FLII: variants seen among roughly 807,000 people sequenced by gnomAD.
The protein encoded by FLII is protein flightless-1 homolog.
FLII carries 101 observed loss-of-function variants against 156.2 expected under a neutral mutation model. That is an observed-to-expected ratio of 0.65 (90% CI 0.55 to 0.76). The LOEUF is 0.76. FLII is among the 30% of genes least tolerant of loss of function. The pLI, the probability that FLII is intolerant of heterozygous loss-of-function variation, is 0.00. For missense variants in FLII, 1,675 were observed against 1,682.8 expected (o/e 1.00, Z 0.08); for synonymous variants, 767 against 685.8 (o/e 1.12, Z -1.85).
chr17:18,255,361 C>A, intron 3 of FLII, 98 bp from the exon 4 acceptor site: 1 of 935,542 alleles, frequency 1.1e-6, no homozygotes, highest in Non-Finnish European at 1.7e-6. Context: ...TCACCAGAGG[C>A]CAGGCCTGAG....
In FLII at chr17:18,258,317, C is replaced by G. The variant is rs2048490244; in HGVS notation, c.63+311G>C. 1 of 585,354 alleles carries G rather than the reference C, an allele frequency of 1.7e-6. No individual in the cohort carries two copies. The highest frequency in any genetic ancestry group is 2.8e-6 in the Non-Finnish European group (1 of 353,372). 36.3% of individuals were successfully genotyped at this position (585,354 alleles called of 1,614,324 possible). ...CCTCAGAGGGGCGGGGAGGCTCGCC[C>G]GATCCCCAGGCCACCATCCAGCCTA... On this transcript the variant is annotated intron_variant, in intron 1 of 29. Transcript: ENST00000327031. The surrounding 1 kb of genome is among the most constrained non-coding windows in gnomAD (Gnocchi z 4.2).
chr17:18,247,747 G>A lies in FLII; in HGVS notation c.2397C>T (p.Ala799=), dbSNP rs374809408. The A allele has an allele frequency of 8.7e-6, 14 of 1,606,240 alleles. No homozygotes were observed. The highest frequency in any genetic ancestry group is 1.6e-4 in the Middle Eastern group (1 of 6,080). Reference sequence around the variant, plus strand: ...ACAGCTCCTGACCCAGCTTGAGGGCGGCAGCGCGCACCAGGCGCGGGGACT... The same window carrying A: ...ACAGCTCCTGACCCAGCTTGAGGGCAGCAGCGCGCACCAGGCGCGGGGACT... ...GRKSPRLVRA[A]ALKLGQELCG... The change falls in exon 20 of 30, where the codon GCC becomes GCT. Residue 799 remains alanine, a synonymous_variant. Transcript: ENST00000327031.
chr17:18,245,956 A>C lies in FLII; in HGVS notation c.3374T>G (p.Phe1125Cys), dbSNP rs773892887. ...GACCTGCTTGCTGTAGGAGGTGTCA[A>C]ACATGGTGTTCAGGATGTCTTCTGC... ...KLAEDILNTM[F>C]DTSYSKQVIN... The change falls in exon 26 of 30, where the codon TTT becomes TGT. Residue 1125 changes from phenylalanine to cysteine, a missense_variant. Phe to Cys is a radical substitution (Grantham distance 205). Coordinates refer to ENST00000327031, the MANE Select transcript of FLII (RefSeq NM_002018.4). The C allele has an allele frequency of 3.7e-6, 6 of 1,613,944 alleles. 1 individual carries two copies. Among genetic ancestry groups the C allele is most frequent in the East Asian group, 2.2e-5 (1 of 44,860 alleles).
Position 18,254,086 on chromosome 17 carries a change from G to A in FLII, c.672C>T (p.Asn224=), listed in dbSNP as rs779678541. The A allele has an allele frequency of 1.2e-6, 2 of 1,608,150 alleles. No homozygotes were observed. The highest frequency in any genetic ancestry group is 1.1e-5 in the South Asian group (1 of 90,694). ...CTCCTGGGGCTGCCTGACCTGCGAG[G>A]TTGCTCAGACCCTCCAGGCTGGTGG... ...NLPTSLEGLS[N]LADVDLSCND... Residue 224 remains asparagine (N), a synonymous_variant, in exon 7 of 30, where the codon AAC becomes AAT. Coordinates refer to ENST00000327031, the MANE Select transcript of FLII (RefSeq NM_002018.4).
intron 14 of FLII, 93 bp from the exon 15 acceptor site, chr17:18,249,501 G>A: frequency 1.1e-6 from 1 of 872,786 alleles, no homozygotes; most frequent in Non-Finnish European, 1.9e-6. Flanking sequence ...TTGCATACAG[G>A]TGAATTGAGT....
chr17:18,246,374 G>T lies in FLII; in HGVS notation c.3140C>A (p.Ala1047Glu). The T allele has an allele frequency of 6.2e-7, 1 of 1,613,884 alleles. No individual in the cohort carries two copies. The highest frequency in any genetic ancestry group is 8.5e-7 in the Non-Finnish European group (1 of 1,179,994). Residue 1047 changes from alanine to glutamate, a missense_variant, in exon 24 of 30, where the codon GCG (alanine) becomes GAG (glutamate). This residue lies in a region of FLII where 1,332 missense variants were observed against 1,269.3 expected (regional missense o/e 1.05). Transcript: ENST00000327031. Reference sequence around the variant, plus strand: ...GCTGGGCTGTTGGGCGCCCTGGACCGCCTTCCTCTTGCCCCGGTGGATGAT... The same window carrying T: ...GCTGGGCTGTTGGGCGCCCTGGACCTCCTTCCTCTTGCCCCGGTGGATGAT... Reference protein sequence around the residue: ...KFIIHRGKRKAVQGAQQPSLY... With the variant: ...KFIIHRGKRKEVQGAQQPSLY...
At chr17:18,253,233 G>T in intron 9 of FLII, 68 bp downstream of exon 9, 1 of 1,535,682 alleles carries the variant, frequency 6.5e-7, no homozygotes. Flanking sequence ...CACAAGGTGG[G>T]CTCTGACTAC....
chr17:18,245,033 A>C lies in FLII; in HGVS notation c.*105T>G, dbSNP rs2047976954. On this transcript the variant is annotated 3_prime_UTR_variant, in exon 30 of 30. Transcript: ENST00000327031. ...AGGCTACTGGGGACTGTGGCACTGG[A>C]CGTGGCTGGAGCAGGTGGTGTCACC... 1 of 1,277,330 alleles carries C rather than the reference A, an allele frequency of 7.8e-7. No individual in the cohort carries two copies. The highest frequency in any genetic ancestry group is 1.5e-5 in the African/African-American group (1 of 67,534). The allele number at this position is 1,277,330 out of a possible 1,614,324, so 79.1% of individuals were successfully genotyped here. A position where few individuals can be genotyped will look rare whatever the true frequency, so the allele number is the denominator to read the frequency against.
In FLII at chr17:18,247,997, T is replaced by C; in HGVS notation, c.2227A>G (p.Ile743Val). Residue 743 changes from isoleucine to valine, a missense_variant, in exon 19 of 30, where the codon ATC (isoleucine) becomes GTC (valine). Transcript: ENST00000327031. ...TGTTCCACGGAGAGCTTGTAGTTGA[T>C]CTGTGGCAGCTCCAGGTAGCCCAAG... ...LGLGYLELPQ[I>V]NYKLSVEHKQ... 2.5e-6 allele frequency: 4 copies of C among 1,613,974 alleles called. No individual in the cohort carries two copies. Among genetic ancestry groups the C allele is most frequent in the Non-Finnish European group, 3.4e-6 (4 of 1,179,932 alleles).
chr17:18,245,722 A>C (rs2048018119), intron 27 of FLII, 22 bp downstream of exon 27: 1 of 1,609,078 alleles, frequency 6.2e-7, no homozygotes, highest in Non-Finnish European at 8.5e-7. Context: ...GACTGAGGGG[A>C]GGGTCAGGGC....
rs1328532172 is a variant in FLII, at chr17:18,253,721, T to G, written c.680-2A>C. ...GGTCATTGCAGGACAGATCCACGTCTGGGGTGCAGGGTGGGGTGCATCAGC... is the reference window on the plus strand; with the variant it reads ...GGTCATTGCAGGACAGATCCACGTCGGGGGTGCAGGGTGGGGTGCATCAGC... On this transcript the variant is annotated splice_acceptor_variant, in intron 7 of 29. Coordinates refer to ENST00000327031, the MANE Select transcript of FLII (RefSeq NM_002018.4). LOFTEE classifies it high-confidence loss of function. The G allele has an allele frequency of 6.2e-7, 1 of 1,603,146 alleles. No homozygotes were observed. Among genetic ancestry groups the G allele is most frequent in the Non-Finnish European group, 8.5e-7 (1 of 1,174,010 alleles).
intron 1 of FLII, chr17:18,257,327 C>A: frequency 5.6e-6 from 2 of 355,622 alleles, no homozygotes; most frequent in Non-Finnish European, 1.0e-5. Context: ...TAGCTCGGCT[C>A]AAATTCCTTC....
intron 20 of FLII, 41 bp downstream of exon 20, chr17:18,247,616 C>A: frequency 6.6e-7 from 1 of 1,507,226 alleles, no homozygotes; most frequent in South Asian, 1.3e-5. Context: ...TGTCAGGGTG[C>A]GAAGGATCCT....
At chr17:18,246,268 T>G (rs1243277060) in intron 24 of FLII, 40 bp downstream of exon 24, 1 of 1,614,126 alleles carries the variant, frequency 6.2e-7, no homozygotes, top group South Asian at 1.1e-5. Flanking sequence ...CCTGGCTCCC[T>G]GACGCTTGCT....
rs2048262766 is a variant in FLII at position 18,251,376 on chromosome 17, CA to C, written c.1484del (p.Val495GlyfsTer7). ...LDYSEFFTEDVGQLPGLTIWQ... is the reference protein window; with the variant it reads ...LDYSEFFTEDXGQLPGLTIWQ... ...AGATGGTCAGTCCGGGCAGCTGGCC[CA>C]CGTCCTCCGTGAAGAACTCGGAGTA... On this transcript the variant is annotated frameshift_variant, in exon 13 of 30. Transcript: ENST00000327031. LOFTEE classifies it high-confidence loss of function. The C allele has an allele frequency of 6.2e-7, 1 of 1,613,596 alleles. No homozygotes were observed. The highest frequency in any genetic ancestry group is 8.5e-7 in the Non-Finnish European group (1 of 1,180,032).
chr17:18,251,986 T>C lies in FLII; in HGVS notation c.1246+13A>G, dbSNP rs754116802. ...GGAGCCCCCGTTCCCAGGCCAGACC[T>C]TTCCCCACTCACCAGCTGCAGCTGC... On this transcript the variant is annotated intron_variant, in intron 11 of 29. Coordinates refer to ENST00000327031, the MANE Select transcript of FLII (RefSeq NM_002018.4). The C allele has an allele frequency of 4.3e-6, 7 of 1,612,092 alleles. No homozygotes were observed. The Admixed American group carries it at 1.2e-4, about 27-fold the overall frequency.
intron 1 of FLII, among the ~76,000 whole-genome samples, chr17:18,257,513 C>T (rs2048458680): frequency 6.6e-6 from 1 of 152,264 alleles, no homozygotes; most frequent in Admixed American, 6.5e-5. Context: ...AGGCCAGCAT[C>T]ACTGCACTCC....
Position 18,251,589 on chromosome 17 carries a change from C to T in FLII, c.1383+91G>A, listed in dbSNP as rs78373492. 1,396 of 1,587,244 alleles carry T rather than the reference C, an allele frequency of 8.8e-4. 6 individuals are homozygous for T. In the African/African-American group the frequency reaches 0.012, roughly 14 times the overall value. On this transcript the variant is annotated intron_variant, in intron 12 of 29. Transcript: ENST00000327031. ...CACAGCTGTTCTTTCTGCCCAGCACCCCCCGTCCCTCTTGGCCAGGGTCAA... is the reference window on the plus strand; with the variant it reads ...CACAGCTGTTCTTTCTGCCCAGCACTCCCCGTCCCTCTTGGCCAGGGTCAA...
rs745824905 is a variant in FLII at position 18,249,240 on chromosome 17, G to A, written c.1860-39C>T. ...AAGAGTGGCTCAGTGTAGGCACCAA[G>A]GGCCTAACTTAGCCCCAACACCCTC... On this transcript the variant is annotated intron_variant, in intron 15 of 29. Coordinates refer to ENST00000327031, the MANE Select transcript of FLII (RefSeq NM_002018.4). 3.7e-6 allele frequency: 6 copies of A among 1,612,256 alleles called. No homozygotes were observed. The South Asian group carries it at 5.5e-5, about 15-fold the overall frequency.
Sources: allele counts gnomAD v4.1 joint callset (sites outside exome capture counted in the v4.1 genomes callset), GRCh38; gene constraint gnomAD v4.1.1; regional missense constraint gnomAD v4.1.1; non-coding constraint Gnocchi (gnomAD v3.1); transcripts MANE v1.5; gene names NCBI Gene and HGNC (gene_info 2026-07-23, HGNC 2026-07-21).